RHOA: variants seen among roughly 807,000 people sequenced by gnomAD.
RHOA encodes transforming protein RhoA.
Under a neutral mutation model 17.5 loss-of-function variants are expected in RHOA, and 3 were observed. The observed-to-expected ratio is 0.17, with a 90% CI of 0.08 to 0.44. RHOA has a LOEUF of 0.44. RHOA is among the 20% of genes least tolerant of loss of function. The pLI is 0.99. For synonymous variants in RHOA, 98 were observed against 88.4 expected (o/e 1.11, Z -0.61); for missense variants, 56 against 242.3 (o/e 0.23, Z 5.10).
At chr3:49,397,818 A>G (rs1348003255) in intron 1 of RHOA, among the ~76,000 whole-genome samples, 1 of 152,192 alleles carries the variant, frequency 6.6e-6, no homozygotes, top group Non-Finnish European at 1.5e-5. Flanking sequence ...AGGAATAGAA[A>G]AATAAGTAAG....
intron 1 of RHOA, among the ~76,000 whole-genome samples, chr3:49,376,015 AT>A (rs2048220176): frequency 6.6e-6 from 1 of 151,762 alleles, no homozygotes; most frequent in African/African-American, 2.4e-5. Flanking sequence ...CATCCAGCTA[AT>A]TTTTGATAGA....
At chr3:49,401,061 A>AAAAAAAAAG (rs2048716981) in intron 1 of RHOA, among the ~76,000 whole-genome samples, 1 of 144,522 alleles carries the variant, frequency 6.9e-6, no homozygotes, top group African/African-American at 2.6e-5. Flanking sequence ...AAAAAAAAAA[A>AAAAAAAAAG]GAGTTAATTT....
At chr3:49,361,742 G>A (rs1161833243) in intron 4 of RHOA, among the ~76,000 whole-genome samples, 2 of 152,092 alleles carry the variant, frequency 1.3e-5, no homozygotes, top group South Asian at 2.1e-4. Context: ...TTAGCCAGGC[G>A]TGGTGGCACA....
Position 49,360,112 on chromosome 3 carries a change from A to G in RHOA, c.*97T>C. The stretch of plus-strand genomic sequence containing the variant: ...GACTTCTGATTTGTAATCTTAGGTA[A>G]ATTATAGATAAATGAAAAAGGCCAG... On this transcript the variant is annotated 3_prime_UTR_variant, in exon 5 of 5. Transcript: ENST00000418115. The G allele has an allele frequency of 7.9e-7, 1 of 1,265,478 alleles. No homozygotes were observed. 78.4% of individuals were successfully genotyped at this position (1,265,478 alleles called of 1,614,324 possible). A position where few individuals can be genotyped will look rare whatever the true frequency, so the allele number is the denominator to read the frequency against.
intron 1 of RHOA, among the ~76,000 whole-genome samples, chr3:49,377,333 C>T (rs2048244563): frequency 6.6e-6 from 1 of 152,082 alleles, no homozygotes; most frequent in Non-Finnish European, 1.5e-5. Context: ...TGGCTCACGC[C>T]TATAATCCCA....
intron 3 of RHOA, among the ~76,000 whole-genome samples, chr3:49,364,315 G>A (rs1052523414): frequency 6.6e-6 from 1 of 151,866 alleles, no homozygotes; most frequent in Non-Finnish European, 1.5e-5. Context: ...GAGAAACCCC[G>A]TCTCTACTAA....
chr3:49,391,577 CTT>C (rs1365831168), intron 1 of RHOA, among the ~76,000 whole-genome samples: 1 of 151,986 alleles, frequency 6.6e-6, no homozygotes, highest in Non-Finnish European at 1.5e-5. Flanking sequence ...GAGTTTCGCT[CTT>C]GTTGCCCAGG....
At chr3:49,398,132 G>A (rs1363892044) in intron 1 of RHOA, among the ~76,000 whole-genome samples, 2 of 152,022 alleles carry the variant, frequency 1.3e-5, no homozygotes, top group Non-Finnish European at 1.5e-5. Context: ...AGGCTGAGGT[G>A]GGCAGATCAC....
chr3:49,367,800 G>A (rs2048083907), intron 3 of RHOA, among the ~76,000 whole-genome samples: 1 of 151,930 alleles, frequency 6.6e-6, no homozygotes. Context: ...AGGATTACAG[G>A]TGTCAGCCGC....
rs953335648 is a variant in RHOA, at chr3:49,361,290, G to A, written c.409-908C>T. 2.6e-5 allele frequency among the ~76,000 whole-genome samples: 4 copies of A among 152,142 alleles called. No homozygotes were observed. In the East Asian group the frequency reaches 7.7e-4, roughly 29 times the overall value. ...CCAATCCAGGACTAAATGCCCTGAA[G>A]GAAATAAAGCCTACCCTTGACATTC... On this transcript the variant is annotated intron_variant, in intron 4 of 4. Coordinates refer to ENST00000418115, the MANE Select transcript of RHOA (RefSeq NM_001664.4).
chr3:49,381,686 G>A lies in RHOA; in HGVS notation c.-2-6095C>T, dbSNP rs1184771296. On this transcript the variant is annotated intron_variant, in intron 1 of 4. Coordinates refer to ENST00000418115, the MANE Select transcript of RHOA (RefSeq NM_001664.4). ...TCGAGACCAGCCTGACCAACATGGT[G>A]AAACCCCATCTCTACTAAAAATAGA... 2.6e-5 allele frequency among the ~76,000 whole-genome samples: 4 copies of A among 151,958 alleles called. No individual in the cohort carries two copies. The South Asian group carries it at 8.3e-4, about 32-fold the overall frequency.
intron 1 of RHOA, among the ~76,000 whole-genome samples, chr3:49,386,941 C>T (rs1256777372): frequency 6.7e-6 from 1 of 150,280 alleles, no homozygotes; most frequent in East Asian, 2.0e-4. Context: ...GGCAAAATCC[C>T]GTCTCTACTA....
At chr3:49,373,307 G>C (rs768710827) in intron 2 of RHOA, 2 of 228,642 alleles carry the variant, frequency 8.7e-6, no homozygotes, top group South Asian at 7.8e-5. Context: ...TCATGCCATT[G>C]CACTCCAACC....
intron 1 of RHOA, among the ~76,000 whole-genome samples, chr3:49,391,323 C>G (rs1375651249): frequency 4.7e-5 from 7 of 149,884 alleles, no homozygotes; most frequent in Admixed American, 4.0e-4. Context: ...ACCCAGGAGA[C>G]AGAGGCTGCA....
chr3:49,398,987 A>G (rs147249036), intron 1 of RHOA, among the ~76,000 whole-genome samples: 1,611 of 139,042 alleles, frequency 0.012, 30 homozygotes, highest in African/African-American at 0.041. Flanking sequence ...CTCGGGAGGC[A>G]GAGGTTGCAG....
chr3:49,396,114 T>C (rs150326841), intron 1 of RHOA, among the ~76,000 whole-genome samples: 146 of 152,036 alleles, frequency 9.6e-4, no homozygotes, highest in African/African-American at 3.3e-3. Context: ...AAGAACACAT[T>C]ACAAGAAAAG....
chr3:49,397,732 A>C (rs2048641693), intron 1 of RHOA, among the ~76,000 whole-genome samples: 1 of 152,124 alleles, frequency 6.6e-6, no homozygotes, highest in Non-Finnish European at 1.5e-5. Context: ...ACGAGATTAG[A>C]GGGGAACGAG....
intron 1 of RHOA, among the ~76,000 whole-genome samples, chr3:49,382,900 C>T (rs1194605327): frequency 6.6e-6 from 1 of 150,400 alleles, no homozygotes; most frequent in Non-Finnish European, 1.5e-5. Flanking sequence ...ACTAAAAATA[C>T]AAAAATTAGG....
chr3:49,365,772 G>A (rs1016692490), intron 3 of RHOA, among the ~76,000 whole-genome samples: 1 of 151,616 alleles, frequency 6.6e-6, no homozygotes, highest in African/African-American at 2.4e-5. Context: ...TGTATTTTTA[G>A]TAGCGACAGG....
Sources: allele counts gnomAD v4.1 joint callset (sites outside exome capture counted in the v4.1 genomes callset), GRCh38; gene constraint gnomAD v4.1.1; transcripts MANE v1.5; gene names NCBI Gene and HGNC (gene_info 2026-07-23, HGNC 2026-07-21).